The following TNIP1 variants were observed in gnomAD, a reference collection of about 807,000 sequenced individuals.
TNIP1 encodes the protein TNFAIP3-interacting protein 1.
TNIP1 carries 22 observed loss-of-function variants against 86.6 expected under a neutral mutation model. The ratio of observed to expected loss-of-function variants is 0.25; its 90% CI spans 0.18 to 0.36. TNIP1 has a LOEUF of 0.36. TNIP1 is among the 10% of genes least tolerant of loss of function. The probability of loss-of-function intolerance (pLI) is 1.00; values close to 1 mark genes in which losing one functional copy is unlikely to be tolerated. For missense variants in TNIP1, 709 were observed against 820.6 expected, an observed-to-expected ratio of 0.86 and a Z score of 1.66; for synonymous variants, 294 against 313.0, an observed-to-expected ratio of 0.94 and a Z score of 0.64.
At chr5:151,047,611 G>C (rs7734456) in intron 8 of TNIP1, among the ~76,000 whole-genome samples, 58,364 of 151,996 alleles carry the variant, frequency 0.38, 12,627 homozygotes, top group East Asian at 0.69. Context: ...GTTGCCGTTA[G>C]GGGAAGTAAA....
At chr5:151,054,929 C>T (rs1410069253) in intron 6 of TNIP1, among the ~76,000 whole-genome samples, 1 of 152,152 alleles carries the variant, frequency 6.6e-6, no homozygotes, top group Non-Finnish European at 1.5e-5. Flanking sequence ...TAAGGGAAGG[C>T]CAGGACAAGG....
At chr5:151,043,054 G>A (rs904179063) in intron 9 of TNIP1, 93 bp from the exon 10 acceptor site, 18 of 1,313,820 alleles carry the variant, frequency 1.4e-5, no homozygotes, top group African/African-American at 4.3e-5. Context: ...CCCAAGGTGT[G>A]CTCGGTGTGT....
At chr5:151,076,158 T>C (rs1182247882) in intron 1 of TNIP1, among the ~76,000 whole-genome samples, 1 of 152,164 alleles carries the variant, frequency 6.6e-6, no homozygotes, top group Non-Finnish European at 1.5e-5. Context: ...GGGAAAATCA[T>C]CAAGAACTTC....
Position 151,078,352 on chromosome 5 carries a change from A to T in TNIP1, c.-37+2528T>A, listed in dbSNP as rs2113835186. 2.0e-5 allele frequency: 3 copies of T among 152,310 alleles called. No individual in the cohort carries two copies. In the South Asian group the frequency reaches 6.2e-4, roughly 32 times the overall value. The allele number at this position is 152,310 out of a possible 1,614,324, so 9.4% of individuals were successfully genotyped here. ...CCATTATTCTACTCATTCACTGAAC[A>T]AACTCAGAAGAGCCATCCACCAGGC... On this transcript the variant is annotated intron_variant, in intron 1 of 17. Transcript: ENST00000521591.
intron 1 of TNIP1, among the ~76,000 whole-genome samples, chr5:151,078,240 G>C (rs2113834498): frequency 6.6e-6 from 1 of 152,352 alleles, no homozygotes. Flanking sequence ...ATCAGGAAAT[G>C]ATGCTTGGGA....
chr5:151,035,103 A>G, intron 14 of TNIP1, 36 bp from the exon 15 acceptor site: 2 of 1,605,062 alleles, frequency 1.2e-6, no homozygotes, highest in Non-Finnish European at 1.7e-6. Context: ...GACTGTCGGC[A>G]CAGGTGGTTT....
At chr5:151,051,372 TACCC>T (rs1313013699) in intron 7 of TNIP1, among the ~76,000 whole-genome samples, 4 of 152,088 alleles carry the variant, frequency 2.6e-5, no homozygotes, top group African/African-American at 7.2e-5. Context: ...GCCCAGCTGG[TACCC>T]ACCAGATGAC....
intron 7 of TNIP1, 24 bp downstream of exon 7, chr5:151,052,141 C>A: frequency 6.2e-7 from 1 of 1,610,794 alleles, no homozygotes; most frequent in Non-Finnish European, 8.5e-7. Flanking sequence ...CTCCTCACCC[C>A]TTCTCTGAGG....
Position 151,033,650 on chromosome 5 carries a change from C to CA in TNIP1, c.1736dup (p.Met579IlefsTer53), listed in dbSNP as rs769417545. On this transcript the variant is annotated frameshift_variant, in exon 16 of 18. Coordinates refer to ENST00000521591, the MANE Select transcript of TNIP1 (RefSeq NM_006058.5). LOFTEE classifies it high-confidence loss of function. The stretch of plus-strand genomic sequence containing the variant: ...AGTTGGGGAGTGGGGGCGGGTGCTC[C>CA]ATGGCCATGGGGGGAGGGGGGTAGC... 12 of 1,337,934 alleles carry CA rather than the reference C, an allele frequency of 9.0e-6. No individual in the cohort carries two copies. In the Admixed American group the frequency reaches 3.5e-4, roughly 40 times the overall value. 82.9% of individuals were successfully genotyped at this position (1,337,934 alleles called of 1,614,324 possible).
intron 1 of TNIP1, among the ~76,000 whole-genome samples, chr5:151,070,040 A>C (rs954688251): frequency 6.6e-6 from 1 of 152,176 alleles, no homozygotes; most frequent in Non-Finnish European, 1.5e-5. Context: ...CCTCACCTGC[A>C]CTAGCCTCAG....
chr5:151,076,812 GT>G (rs1251894927), intron 1 of TNIP1, among the ~76,000 whole-genome samples: 1 of 152,210 alleles, frequency 6.6e-6, no homozygotes, highest in Admixed American at 6.5e-5. Context: ...GATCCCAGGG[GT>G]CGGGGTCACG....
Position 151,063,759 on chromosome 5 carries a change from G to A in TNIP1, c.137-12C>T. ...TTCCAAAAGCTCCCCTAGAGTTATTGGGGAAGAGGAAGCAAAAGCATTTAC... is the reference window on the plus strand; with the variant it reads ...TTCCAAAAGCTCCCCTAGAGTTATTAGGGAAGAGGAAGCAAAAGCATTTAC... On this transcript the variant is annotated splice_polypyrimidine_tract_variant and intron_variant, in intron 2 of 17. Coordinates refer to ENST00000521591, the MANE Select transcript of TNIP1 (RefSeq NM_006058.5). 1 of 1,610,026 alleles carries A rather than the reference G, an allele frequency of 6.2e-7. No individual in the cohort carries two copies. Among genetic ancestry groups the A allele is most frequent in the Non-Finnish European group, 8.5e-7 (1 of 1,176,876 alleles).
intron 9 of TNIP1, among the ~76,000 whole-genome samples, chr5:151,045,551 T>C (rs1759047235): frequency 6.6e-6 from 1 of 152,334 alleles, no homozygotes; most frequent in East Asian, 1.9e-4. Context: ...GCCTAACTTA[T>C]CACAACCTCT....
At position 151,068,088 on chromosome 5, in the gene TNIP1, G is replaced by C. The variant is rs573578095; in HGVS notation, c.-36-2957C>G. On this transcript the variant is annotated intron_variant, in intron 1 of 17. Coordinates refer to ENST00000521591, the MANE Select transcript of TNIP1 (RefSeq NM_006058.5). ...ATGCTCCCCTACTTTAGCCTCAGGG[G>C]GCAGAGCTTGGGGAGAAAGAAAGGC... 2.6e-5 allele frequency among the ~76,000 whole-genome samples: 4 copies of C among 152,368 alleles called. No homozygotes were observed. The South Asian group carries it at 6.2e-4, about 24-fold the overall frequency.
At position 151,062,764 on chromosome 5, in the gene TNIP1, G is replaced by A. The variant is rs1416005428; in HGVS notation, c.272-552C>T. Among the ~76,000 whole-genome samples, 4 of 152,168 alleles carry A rather than the reference G, an allele frequency of 2.6e-5. No homozygotes were observed. In the East Asian group the frequency reaches 7.7e-4, roughly 29 times the overall value. ...GACCTGGCACCAATCAGGAACTCAG[G>A]AACATTGCTGAATAGACAAGCAGAG... On this transcript the variant is annotated intron_variant, in intron 3 of 17. Coordinates refer to ENST00000521591, the MANE Select transcript of TNIP1 (RefSeq NM_006058.5).
At chr5:151,062,955 G>A (rs1483654193) in intron 3 of TNIP1, among the ~76,000 whole-genome samples, 1 of 152,242 alleles carries the variant, frequency 6.6e-6, no homozygotes, top group Non-Finnish European at 1.5e-5. Flanking sequence ...GTCCAGCTGA[G>A]GTGCGGATCA....
At chr5:151,062,543 C>T (rs1352534114) in intron 3 of TNIP1, among the ~76,000 whole-genome samples, 1 of 152,162 alleles carries the variant, frequency 6.6e-6, no homozygotes, top group Admixed American at 6.5e-5. Context: ...ATTATCCCAG[C>T]CATTCTCATA....
chr5:151,073,153 T>C lies in TNIP1; in HGVS notation c.-37+7727A>G, dbSNP rs1581915310. Among the ~76,000 whole-genome samples, 12 of 137,256 alleles carry C rather than the reference T, an allele frequency of 8.7e-5. No homozygotes were observed. The South Asian group carries it at 2.7e-3, about 31-fold the overall frequency. The allele number at this position is 137,256 out of a possible 152,430, so 90.0% of individuals were successfully genotyped here. ...AGGAGAATCGCTTGAACTTGGGAGGTGGAGATTGCAGTAAGCCGAGATCAC... is the reference window on the plus strand; with the variant it reads ...AGGAGAATCGCTTGAACTTGGGAGGCGGAGATTGCAGTAAGCCGAGATCAC... On this transcript the variant is annotated intron_variant, in intron 1 of 17. Coordinates refer to ENST00000521591, the MANE Select transcript of TNIP1 (RefSeq NM_006058.5).
chr5:151,034,087 GGTACATGGGCATGGAAGGCTA>G (rs1757312215), intron 15 of TNIP1, among the ~76,000 whole-genome samples: 1 of 148,422 alleles, frequency 6.7e-6, no homozygotes, highest in Non-Finnish European at 1.5e-5. Flanking sequence ...ACGGAAGGCT[GGTACATGGGCATGGAAGGCTA>G]GTACATGGGC....
Sources: allele counts gnomAD v4.1 joint callset (sites outside exome capture counted in the v4.1 genomes callset), GRCh38; gene constraint gnomAD v4.1.1; transcripts MANE v1.5; gene names NCBI Gene and HGNC (gene_info 2026-07-23, HGNC 2026-07-21).